TNC: variants seen among roughly 807,000 people sequenced by gnomAD.
The protein encoded by TNC is tenascin C.
Under a neutral mutation model 202.4 loss-of-function variants are expected in TNC, and 109 were observed. The ratio of observed to expected loss-of-function variants is 0.54; its 90% confidence interval spans 0.46 to 0.63. The LOEUF (loss-of-function observed/expected upper bound fraction) is 0.63, where lower values mean the gene tolerates loss of function less well. Among genes scored for constraint, TNC ranks in the 30% least tolerant of loss-of-function variants. The pLI is 0.00. For synonymous variants in TNC, 1,007 were observed against 1,089.7 expected (o/e 0.92, Z 1.50); for missense variants, 2,756 against 2,833.3 (o/e 0.97, Z 0.62).
At position 115,041,064 on chromosome 9, in the gene TNC, C is replaced by T. The variant is rs761216999; in HGVS notation, c.5269G>A (p.Val1757Met). Reference protein sequence around the residue: ...ITGGTPSMVTVDGTKTQTRLV... With the variant: ...ITGGTPSMVTMDGTKTQTRLV... ...CTGGTCTGAGTCTTGGTTCCGTCCA[C>T]AGTTACCATGGAGGGTGTACCTGGA... Residue 1757 changes from valine (V) to methionine (M), a missense_variant, in exon 19 of 28, where the codon GTG becomes ATG. By Grantham distance (21) the Val-to-Met change is conservative. This residue lies in a region of TNC where 2,559 missense variants were observed against 2,546.0 expected (regional missense o/e 1.01). Coordinates refer to ENST00000350763, the MANE Select transcript of TNC (RefSeq NM_002160.4). 2 of 1,613,842 alleles carry T rather than the reference C, an allele frequency of 1.2e-6. No individual in the cohort carries two copies. Among genetic ancestry groups the T allele is most frequent in the Non-Finnish European group, 1.7e-6 (2 of 1,179,842 alleles).
chr9:115,102,602 A>G (rs377335927), intron 1 of TNC, among the ~76,000 whole-genome samples: 1 of 152,188 alleles, frequency 6.6e-6, no homozygotes, highest in Admixed American at 6.5e-5. Context: ...TGGGGAATTG[A>G]TATGATATTA....
At chr9:115,103,217 G>T (rs537094029) in intron 1 of TNC, among the ~76,000 whole-genome samples, 1 of 152,178 alleles carries the variant, frequency 6.6e-6, no homozygotes, top group Non-Finnish European at 1.5e-5. Context: ...TTTGAGACAA[G>T]ATTTCTCTAT....
Position 115,076,511 on chromosome 9 carries a change from C to T in TNC, c.2739G>A (p.Trp913Ter). ...TGTCAATAGCTGCCTTGCCATTCCT[C>T]CATTCCAGGGTGATGCTGTTATCTG... Reference protein sequence around the residue: ...SQTDNSITLEWRNGKAAIDSY... With the variant: ...SQTDNSITLE The change falls in exon 8 of 28, where the codon TGG becomes TGA. Residue 913 changes from tryptophan to a stop codon, truncating the protein, a stop_gained. Coordinates refer to ENST00000350763, the MANE Select transcript of TNC (RefSeq NM_002160.4). LOFTEE classifies it high-confidence loss of function. The T allele has an allele frequency of 6.2e-7, 1 of 1,614,230 alleles. No individual in the cohort carries two copies. Among genetic ancestry groups the T allele is most frequent in the Non-Finnish European group, 8.5e-7 (1 of 1,180,038 alleles).
Position 115,090,369 on chromosome 9 carries a change from C to T in TNC, c.457+193G>A, listed in dbSNP as rs546191409. Among the ~76,000 whole-genome samples the T allele has an allele frequency of 4.6e-5, 7 of 152,234 alleles. No individual in the cohort carries two copies. In the South Asian group the frequency reaches 8.3e-4, roughly 18 times the overall value. ...AATTCCTCTGAGAAGCAGTTGTCGCCGTGACTCCTCCAAGCAGGAGAGAGA... is the reference window on the plus strand; with the variant it reads ...AATTCCTCTGAGAAGCAGTTGTCGCTGTGACTCCTCCAAGCAGGAGAGAGA... On this transcript the variant is annotated intron_variant, in intron 2 of 27. Coordinates refer to ENST00000350763, the MANE Select transcript of TNC (RefSeq NM_002160.4).
At chr9:115,057,538 A>G (rs1832230742) in intron 14 of TNC, 113 bp from the exon 15 acceptor site, 1 of 1,134,506 alleles carries the variant, frequency 8.8e-7, no homozygotes. Flanking sequence ...GAGATCTGAT[A>G]ATTCAGGGCT....
chr9:115,117,492 G>T (rs2134598498), intron 1 of TNC, among the ~76,000 whole-genome samples: 1 of 152,294 alleles, frequency 6.6e-6, no homozygotes, highest in Non-Finnish European at 1.5e-5. Context: ...GAGGGAATGG[G>T]TACAAAACTC....
rs34490502 is a variant in TNC, at chr9:115,020,557, TA to T, written c.*599del. ...ACTCAAAAGTACTTGTGCTTTTATT[TA>T]AAAAAAAAATACAATCAGGTACTGT... On this transcript the variant is annotated 3_prime_UTR_variant, in exon 28 of 28. Coordinates refer to ENST00000350763, the MANE Select transcript of TNC (RefSeq NM_002160.4). 695 of 233,256 alleles carry T rather than the reference TA, an allele frequency of 3.0e-3. No homozygotes were observed. Among genetic ancestry groups the T allele is most frequent in the Middle Eastern group, 8.6e-3 (6 of 694 alleles). 14.4% of individuals were successfully genotyped at this position (233,256 alleles called of 1,614,324 possible). A position where few individuals can be genotyped will look rare whatever the true frequency, so the allele number is the denominator to read the frequency against.
intron 26 of TNC, among the ~76,000 whole-genome samples, chr9:115,025,934 A>T (rs974923421): frequency 6.6e-6 from 1 of 152,204 alleles, no homozygotes; most frequent in Non-Finnish European, 1.5e-5. Context: ...CCTTCTATTT[A>T]TGAGGATGCA....
intron 25 of TNC, among the ~76,000 whole-genome samples, chr9:115,028,648 GC>G (rs1367386502): frequency 6.6e-6 from 1 of 151,948 alleles, no homozygotes; most frequent in Non-Finnish European, 1.5e-5. Context: ...TAAACTGAAA[GC>G]CGAGTCATGG....
intron 26 of TNC, among the ~76,000 whole-genome samples, chr9:115,024,542 G>A (rs1337310068): frequency 6.6e-6 from 1 of 152,112 alleles, no homozygotes; most frequent in Non-Finnish European, 1.5e-5. Flanking sequence ...CAGGTGGCAT[G>A]GCATACAAAT....
At chr9:115,032,522 A>G (rs1417467096) in intron 22 of TNC, among the ~76,000 whole-genome samples, 1 of 152,186 alleles carries the variant, frequency 6.6e-6, no homozygotes, top group Non-Finnish European at 1.5e-5. Context: ...GTCCCTAAAT[A>G]TAGCTCTTTA....
At chr9:115,082,075 C>T in intron 5 of TNC, 147 bp from the exon 6 acceptor site, 1 of 713,352 alleles carries the variant, frequency 1.4e-6, no homozygotes, top group South Asian at 2.2e-5. Context: ...AGTATGTAAG[C>T]TACTGAGGAT....
At chr9:115,092,724 C>T (rs566018705) in intron 1 of TNC, among the ~76,000 whole-genome samples, 2 of 151,042 alleles carry the variant, frequency 1.3e-5, no homozygotes, top group East Asian at 3.9e-4. Flanking sequence ...CAGGTGCACA[C>T]TGCCATGCCT....
intron 16 of TNC, among the ~76,000 whole-genome samples, chr9:115,047,240 C>CTTTTTTTTTTTTTTTTTTTTGATTT (rs397975455): frequency 9.3e-6 from 1 of 107,232 alleles, no homozygotes. Context: ...CTACCCTTGA[C>CTTTTTTTTTTTTTTTTTTTTGATTT]TTTTTTTTTT....
Position 115,086,089 on chromosome 9 carries a change from C to G in TNC, c.1642G>C (p.Val548Leu). 1 of 1,613,418 alleles carries G rather than the reference C, an allele frequency of 6.2e-7. No homozygotes were observed. The highest frequency in any genetic ancestry group is 8.5e-7 in the Non-Finnish European group (1 of 1,179,438). ...TTGCCCATAAATCCTTCATGGCACA[C>G]GCACTGCCCATTCACACAGCGACCC... The part of the protein sequence containing the change: ...GQGRCVNGQC[V>L]CHEGFMGKDC... The change falls in exon 3 of 28, where the codon GTG (valine) becomes CTG (leucine). Residue 548 changes from valine (V) to leucine (L), a missense_variant. Around this residue, in one of 2 missense-constraint regions of TNC, gnomAD observed 2,559 missense variants for 2,546.0 expected, o/e 1.01. Transcript: ENST00000350763.
rs753076076 is a variant in TNC at position 115,046,517 on chromosome 9, C to T, written c.5018G>A (p.Arg1673His). ...PLEITLLAPE[R>H]TRDITGLREA... ...TCTGAGACCTGTTATGTCCCTGGTACGTTCGGGGGCAAGTAGGGTTATTTC... is the reference window on the plus strand; with the variant it reads ...TCTGAGACCTGTTATGTCCCTGGTATGTTCGGGGGCAAGTAGGGTTATTTC... The change falls in exon 17 of 28, where the codon CGT becomes CAT. Residue 1673 changes from arginine to histidine, a missense_variant. Around this residue, in one of 2 missense-constraint regions of TNC, gnomAD observed 2,559 missense variants for 2,546.0 expected, o/e 1.01. Coordinates refer to ENST00000350763, the MANE Select transcript of TNC (RefSeq NM_002160.4). 5.0e-6 allele frequency: 8 copies of T among 1,613,994 alleles called. No homozygotes were observed. The highest frequency in any genetic ancestry group is 5.9e-6 in the Non-Finnish European group (7 of 1,180,008).
In TNC at chr9:115,078,066, G is replaced by C. The variant is rs3748170; in HGVS notation, c.2551C>G (p.Leu851Val). Residue 851 changes from leucine (L) to valine (V), a missense_variant, in exon 7 of 28, where the codon CTC becomes GTC. Coordinates refer to ENST00000350763, the MANE Select transcript of TNC (RefSeq NM_002160.4). ...GAGTACTGGTTCTCGTCCTCTGTGA[G>C]ATCGATGGTGGTACGGTCTCCTGGC... ...DVPGDRTTID[L>V]TEDENQYSIG... 4.6e-5 allele frequency: 74 copies of C among 1,614,102 alleles called. 1 individual carries two copies. In the East Asian group the frequency reaches 1.6e-3, roughly 35 times the overall value.
At chr9:115,085,537 T>A (rs1331184437) in intron 3 of TNC, among the ~76,000 whole-genome samples, 1 of 152,198 alleles carries the variant, frequency 6.6e-6, no homozygotes, top group East Asian at 1.9e-4. Flanking sequence ...ACTAGATGTG[T>A]TCTGGCCTCT....
rs975197014 is a variant in TNC, at chr9:115,063,025, G to A, written c.3925C>T (p.Arg1309Cys). 4.3e-6 allele frequency: 7 copies of A among 1,613,960 alleles called. No individual in the cohort carries two copies. In the African/African-American group the frequency reaches 8.0e-5, roughly 18 times the overall value. Reference sequence around the variant, plus strand: ...CTGAGGCCTGGGATTTCCATGGAACGCAGGCTGCCAGGAACCGTGAGATTG... The same window carrying A: ...CTGAGGCCTGGGATTTCCATGGAACACAGGCTGCCAGGAACCGTGAGATTG... ...AHNLTVPGSL[R>C]SMEIPGLRAG... is the part of the protein sequence containing the mutation. The change falls in exon 13 of 28, where the codon CGT becomes TGT. Residue 1309 changes from arginine (R) to cysteine (C), a missense_variant. Physicochemically the swap from Arg to Cys is radical, Grantham distance 180. This residue lies in a region of TNC where 2,559 missense variants were observed against 2,546.0 expected (regional missense o/e 1.01). Coordinates refer to ENST00000350763, the MANE Select transcript of TNC (RefSeq NM_002160.4).
Sources: gnomAD v4.1 joint callset for allele counts (sites outside exome capture counted in the v4.1 genomes callset) on GRCh38, gnomAD v4.1.1 for gene constraint, gnomAD v4.1.1 regional missense constraint, MANE v1.5 for transcripts, NCBI Gene and HGNC (gene_info 2026-07-23, HGNC 2026-07-21) for gene names.